Variants in MECOM observed in about 807,000 individuals in gnomAD.
MECOM encodes MDS1 and EVI1 complex locus.
Under a neutral mutation model 116.3 loss-of-function variants are expected in MECOM, and 13 were observed. The observed-to-expected ratio is 0.11, with a 90% confidence interval of 0.07 to 0.18. MECOM has a LOEUF of 0.18. Among genes scored for constraint, MECOM ranks in the 10% least tolerant of loss-of-function variants. The pLI, the probability that MECOM is intolerant of heterozygous loss-of-function variation, is 1.00. For missense variants in MECOM, 1,299 were observed against 1,509.0 expected, an observed-to-expected ratio of 0.86 and a Z score of 2.31; for synonymous variants, 528 against 535.2, an observed-to-expected ratio of 0.99 and a Z score of 0.19.
At chr3:169,289,106 G>A (rs1466597270) in intron 2 of MECOM, among the ~76,000 whole-genome samples, 1 of 152,180 alleles carries the variant, frequency 6.6e-6, no homozygotes, top group African/African-American at 2.4e-5. Context: ...TTTAATAAAA[G>A]TTAGTTGAAT....
At position 169,469,424 on chromosome 3, in the gene MECOM, A is replaced by T. The variant is rs1170379102; in HGVS notation, c.38-87900T>A. ...TGTGGTTTTATCAACCAAAAGTAAA[A>T]TTGCCAAAAGCCCAGCAAAATAACC... On this transcript the variant is annotated intron_variant, in intron 1 of 16. Transcript: ENST00000651503. 2.0e-5 allele frequency among the ~76,000 whole-genome samples: 3 copies of T among 152,154 alleles called. No individual in the cohort carries two copies. In the East Asian group the frequency reaches 5.8e-4, roughly 29 times the overall value.
intron 1 of MECOM, among the ~76,000 whole-genome samples, chr3:169,413,859 A>G (rs1738039316): frequency 6.6e-6 from 1 of 152,208 alleles, no homozygotes; most frequent in South Asian, 2.1e-4. Flanking sequence ...TGGGCAAGCC[A>G]TCTCTGAAAG....
chr3:169,601,557 A>C (rs1767835437), intron 1 of MECOM, among the ~76,000 whole-genome samples: 1 of 152,198 alleles, frequency 6.6e-6, no homozygotes, highest in Non-Finnish European at 1.5e-5. Flanking sequence ...CCTTGAAACA[A>C]GGTAGCTTTA....
chr3:169,531,230 C>T (rs73042856), intron 1 of MECOM, among the ~76,000 whole-genome samples: 1,661 of 152,254 alleles, frequency 0.011, 27 homozygotes, highest in African/African-American at 0.038. Context: ...TAAGGGTTGG[C>T]ACTGTTCCTG....
chr3:169,527,697 CTG>C (rs2109123398), intron 1 of MECOM, among the ~76,000 whole-genome samples: 1 of 152,238 alleles, frequency 6.6e-6, no homozygotes, highest in South Asian at 2.1e-4. Flanking sequence ...GAATAAAGCT[CTG>C]AGGGCCTATG....
rs1169620855 is a variant in MECOM, at chr3:169,381,169, C to T, written c.375+18G>A. ...CAGCTGCAATATATAAATGTGTTAACTCAAAATACATTCTTACCTCCCATC... is the reference window on the plus strand; with the variant it reads ...CAGCTGCAATATATAAATGTGTTAATTCAAAATACATTCTTACCTCCCATC... On this transcript the variant is annotated intron_variant, in intron 2 of 16. Coordinates refer to ENST00000651503, the MANE Select transcript of MECOM (RefSeq NM_004991.4). 1.3e-6 allele frequency: 2 copies of T among 1,580,704 alleles called. No individual in the cohort carries two copies. Among genetic ancestry groups the T allele is most frequent in the African/African-American group, 2.7e-5 (2 of 74,052 alleles).
chr3:169,140,032 T>C (rs930497175), intron 3 of MECOM, among the ~76,000 whole-genome samples: 1 of 149,232 alleles, frequency 6.7e-6, no homozygotes, highest in African/African-American at 2.5e-5. Flanking sequence ...TGCTTCTGTA[T>C]GTAAATGAAA....
rs982741921 is a variant in MECOM, at chr3:169,305,962, G to T, written c.375+75225C>A. Among the ~76,000 whole-genome samples, 3 of 151,646 alleles carry T rather than the reference G, an allele frequency of 2.0e-5. No individual in the cohort carries two copies. In the East Asian group the frequency reaches 5.8e-4, roughly 29 times the overall value. On this transcript the variant is annotated intron_variant, in intron 2 of 16. Coordinates refer to ENST00000651503, the MANE Select transcript of MECOM (RefSeq NM_004991.4). ...ATTAGTTGTTAACAAAGATAATATAGAAAAACATATTTTGATTTCAATATT... is the reference window on the plus strand; with the variant it reads ...ATTAGTTGTTAACAAAGATAATATATAAAAACATATTTTGATTTCAATATT...
At chr3:169,289,621 C>A (rs1714096355) in intron 2 of MECOM, among the ~76,000 whole-genome samples, 1 of 152,174 alleles carries the variant, frequency 6.6e-6, no homozygotes, top group African/African-American at 2.4e-5. Flanking sequence ...CTGTGCAACC[C>A]TCATCTCTTA....
intron 5 of MECOM, among the ~76,000 whole-genome samples, chr3:169,124,612 T>C (rs920431737): frequency 1.3e-5 from 2 of 152,110 alleles, no homozygotes; most frequent in African/African-American, 4.8e-5. Flanking sequence ...GAGTCCTTAC[T>C]TTCTATAGAC....
At chr3:169,414,337 C>T (rs1348628744) in intron 1 of MECOM, among the ~76,000 whole-genome samples, 1 of 152,168 alleles carries the variant, frequency 6.6e-6, no homozygotes, top group Non-Finnish European at 1.5e-5. Context: ...AAAATAATAG[C>T]ATCAACATCT....
chr3:169,656,874 C>T (rs983671173), intron 1 of MECOM, among the ~76,000 whole-genome samples: 3 of 152,298 alleles, frequency 2.0e-5, no homozygotes, highest in South Asian at 2.1e-4. Flanking sequence ...TCAGTATGTA[C>T]TTCTTAGAAC....
chr3:169,361,497 A>C (rs1242854175), intron 2 of MECOM, among the ~76,000 whole-genome samples: 9 of 151,874 alleles, frequency 5.9e-5, no homozygotes, highest in Non-Finnish European at 1.2e-4. Context: ...TATTAAAATC[A>C]GTTTGCTTTG....
chr3:169,107,990 C>G, intron 9 of MECOM, 38 bp from the exon 10 acceptor site: 1 of 1,586,188 alleles, frequency 6.3e-7, no homozygotes, highest in Non-Finnish European at 8.7e-7. Context: ...AAAATTACTT[C>G]TGTGTTGGTA....
intron 2 of MECOM, among the ~76,000 whole-genome samples, chr3:169,316,841 C>T (rs1186271210): frequency 6.6e-6 from 1 of 152,248 alleles, no homozygotes; most frequent in Non-Finnish European, 1.5e-5. Flanking sequence ...GCATGAGCCA[C>T]TGCGCCCGGC....
intron 9 of MECOM, among the ~76,000 whole-genome samples, chr3:169,109,445 A>G (rs1819859): frequency 0.88 from 133,264 of 150,692 alleles, 59,014 homozygotes; most frequent in Admixed American, 0.9. Flanking sequence ...TTGGACTTTC[A>G]CTCTTGTTGC....
At chr3:169,284,156 C>T (rs1370303970) in intron 2 of MECOM, among the ~76,000 whole-genome samples, 1 of 152,288 alleles carries the variant, frequency 6.6e-6, no homozygotes, top group African/African-American at 2.4e-5. Flanking sequence ...CCAAGGAGAG[C>T]CTTCCACACT....
Position 169,659,821 on chromosome 3 carries a change from G to A in MECOM, c.37+3515C>T, listed in dbSNP as rs145145792. Among the ~76,000 whole-genome samples the A allele has an allele frequency of 6.6e-4, 101 of 152,204 alleles. 1 individual carries two copies. Among genetic ancestry groups the A allele is most frequent in the African/African-American group, 2.2e-3 (92 of 41,514 alleles). ...CTCAGTTACTGGGCTGACAAGGTGA[G>A]TAGTTTAAGGACGGGAGAAAGGGTC... On this transcript the variant is annotated intron_variant, in intron 1 of 16. Coordinates refer to ENST00000651503, the MANE Select transcript of MECOM (RefSeq NM_004991.4).
intron 13 of MECOM, 31 bp downstream of exon 13, chr3:169,095,045 T>C: frequency 2.0e-6 from 3 of 1,491,862 alleles, no homozygotes; most frequent in Non-Finnish European, 2.7e-6. Context: ...AAAGAAGTCA[T>C]CTTTGACTTA....
Sources: gnomAD v4.1 joint callset for allele counts (sites outside exome capture counted in the v4.1 genomes callset) on GRCh38, gnomAD v4.1.1 for gene constraint, MANE v1.5 for transcripts, NCBI Gene and HGNC (gene_info 2026-07-23, HGNC 2026-07-21) for gene names.